Variants in KDM4C observed in about 807,000 individuals in gnomAD.
The protein encoded by KDM4C is lysine demethylase 4C.
KDM4C carries 81 observed loss-of-function variants against 129.3 expected under a neutral mutation model. That is an observed-to-expected ratio of 0.63 (90% CI 0.52 to 0.75). The LOEUF (loss-of-function observed/expected upper bound fraction) is 0.75. Among genes scored for constraint, KDM4C ranks in the 30% least tolerant of loss-of-function variants. The pLI is 0.00. For synonymous variants in KDM4C, 573 were observed against 456.1 expected, an observed-to-expected ratio of 1.26 and a Z score of -3.26; for missense variants, 1,457 against 1,304.0, an observed-to-expected ratio of 1.12 and a Z score of -1.81.
At position 6,748,941 on chromosome 9, in the gene KDM4C, A is replaced by G. The variant is rs766219751; in HGVS notation, c.49+27944A>G. On this transcript the variant is annotated intron_variant, in intron 1 of 17. Transcript: ENST00000536108. ...GAAGATGAGGTTGATGGGCTGCACC[A>G]TAACCTTCTGCACTTTCTGGCCCTG... The G allele has an allele frequency of 8.8e-6, 8 of 912,714 alleles. No homozygotes were observed. The East Asian group carries it at 1.7e-4, about 19-fold the overall frequency. 56.5% of individuals were successfully genotyped at this position (912,714 alleles called of 1,614,324 possible). A position where few individuals can be genotyped will look rare whatever the true frequency, so the allele number is the denominator to read the frequency against.
At chr9:7,172,500 A>T (rs1169008075) in intron 21 of KDM4C, among the ~76,000 whole-genome samples, 3 of 152,258 alleles carry the variant, frequency 2.0e-5, no homozygotes, top group Non-Finnish European at 2.9e-5. Context: ...CACTTACACA[A>T]GTGAAAGATT....
intron 12 of KDM4C, among the ~76,000 whole-genome samples, chr9:7,004,051 C>G (rs1586844245): frequency 6.6e-6 from 1 of 152,258 alleles, no homozygotes; most frequent in East Asian, 1.9e-4. Context: ...AGCCAAAACA[C>G]CTCACTGGAG....
chr9:7,072,877 C>T (rs1227348811), intron 17 of KDM4C, among the ~76,000 whole-genome samples: 1 of 152,124 alleles, frequency 6.6e-6, no homozygotes, highest in African/African-American at 2.4e-5. Flanking sequence ...TCTTTTGATA[C>T]ATGTATACAT....
At chr9:6,802,617 A>T (rs1336389551) in intron 2 of KDM4C, among the ~76,000 whole-genome samples, 1 of 152,022 alleles carries the variant, frequency 6.6e-6, no homozygotes, top group Non-Finnish European at 1.5e-5. Flanking sequence ...AGGCTGTTAC[A>T]TTTGCTTATT....
At chr9:6,972,141 T>C (rs1425355225) in intron 8 of KDM4C, among the ~76,000 whole-genome samples, 1 of 151,986 alleles carries the variant, frequency 6.6e-6, no homozygotes, top group Non-Finnish European at 1.5e-5. Flanking sequence ...AAGATAAATA[T>C]AGAAAGATCA....
At chr9:6,743,567 G>T (rs142028576) in intron 1 of KDM4C, among the ~76,000 whole-genome samples, 100 of 151,752 alleles carry the variant, frequency 6.6e-4, no homozygotes, top group African/African-American at 2.4e-3. Context: ...GAGTGCAGTG[G>T]TGGGATCTTG....
chr9:7,024,492 C>G (rs532269642), intron 15 of KDM4C, among the ~76,000 whole-genome samples: 2 of 151,304 alleles, frequency 1.3e-5, no homozygotes, highest in Non-Finnish European at 2.9e-5. Context: ...CGTCCCCCCA[C>G]CCCACAACAG....
chr9:7,174,918 A>G lies in KDM4C; in HGVS notation c.*189A>G, dbSNP rs149671405. 113 of 498,836 alleles carry G rather than the reference A, an allele frequency of 2.3e-4. No individual in the cohort carries two copies. Among genetic ancestry groups the G allele is most frequent in the African/African-American group, 1.9e-3 (101 of 53,106 alleles). The allele number at this position is 498,836 out of a possible 1,614,324, so 30.9% of individuals were successfully genotyped here. ...TACACCCAATGAATTGGACGCAGCA[A>G]TCTGAAATCATCTCTAGTCTTGCTT... On this transcript the variant is annotated 3_prime_UTR_variant, in exon 22 of 22. Coordinates refer to ENST00000381309, the MANE Select transcript of KDM4C (RefSeq NM_015061.6).
At chr9:6,980,722 C>T (rs1256384628) in intron 8 of KDM4C, among the ~76,000 whole-genome samples, 1 of 152,066 alleles carries the variant, frequency 6.6e-6, no homozygotes, top group Non-Finnish European at 1.5e-5. Context: ...CCATTATAAC[C>T]ACATTATAAA....
chr9:7,023,027 T>A (rs1037478510), intron 15 of KDM4C, among the ~76,000 whole-genome samples: 17 of 152,350 alleles, frequency 1.1e-4, no homozygotes, highest in South Asian at 2.1e-4. Context: ...ATCTTTTTAA[T>A]GTGTTGTTGA....
chr9:6,950,021 C>A (rs1827832767), intron 8 of KDM4C, among the ~76,000 whole-genome samples: 1 of 147,376 alleles, frequency 6.8e-6, no homozygotes, highest in African/African-American at 2.5e-5. Context: ...TTTGAAACTT[C>A]TCTGGCCACC....
intron 18 of KDM4C, among the ~76,000 whole-genome samples, chr9:7,124,644 G>T (rs968918348): frequency 6.6e-6 from 1 of 152,184 alleles, no homozygotes; most frequent in Non-Finnish European, 1.5e-5. Flanking sequence ...GTTATATACT[G>T]TCACCTAGCT....
intron 1 of KDM4C, among the ~76,000 whole-genome samples, chr9:6,752,429 C>A (rs551642870): frequency 7.5e-5 from 9 of 119,834 alleles, no homozygotes; most frequent in African/African-American, 2.6e-4. Context: ...TTTTTTTTTC[C>A]GGTGGAGTTT....
intron 19 of KDM4C, among the ~76,000 whole-genome samples, chr9:7,130,238 C>A (rs988315710): frequency 6.6e-6 from 1 of 152,198 alleles, no homozygotes; most frequent in African/African-American, 2.4e-5. Context: ...ATTTCAAAAC[C>A]TGAGCACAGT....
At chr9:6,949,175 G>A (rs1313454611) in intron 8 of KDM4C, among the ~76,000 whole-genome samples, 4 of 151,126 alleles carry the variant, frequency 2.6e-5, no homozygotes, top group Admixed American at 2.6e-4. Context: ...TAGACGGGGT[G>A]GCTGCCGGGC....
chr9:6,923,976 C>T (rs1822013682), intron 8 of KDM4C, among the ~76,000 whole-genome samples: 1 of 152,194 alleles, frequency 6.6e-6, no homozygotes, highest in African/African-American at 2.4e-5. Context: ...TTTCCCTCCT[C>T]AGATATTTAG....
chr9:6,918,483 G>C (rs1281394376), intron 8 of KDM4C, among the ~76,000 whole-genome samples: 1 of 152,144 alleles, frequency 6.6e-6, no homozygotes, highest in Non-Finnish European at 1.5e-5. Context: ...GATGAATATA[G>C]AGTGCATGTG....
chr9:6,825,141 G>A (rs934351203), intron 4 of KDM4C, among the ~76,000 whole-genome samples: 1 of 127,940 alleles, frequency 7.8e-6, no homozygotes, highest in Non-Finnish European at 1.6e-5. Flanking sequence ...AGTGAAACTC[G>A]GTCTCAAAAA....
intron 6 of KDM4C, among the ~76,000 whole-genome samples, chr9:6,886,822 G>C (rs1312347639): frequency 6.6e-6 from 1 of 152,020 alleles, no homozygotes; most frequent in Non-Finnish European, 1.5e-5. Flanking sequence ...GGGTTTTGCT[G>C]TGTTAGGCTT....
Sources: gnomAD v4.1 joint callset for allele counts (sites outside exome capture counted in the v4.1 genomes callset) on GRCh38, gnomAD v4.1.1 for gene constraint, MANE v1.5 for transcripts, NCBI Gene and HGNC (gene_info 2026-07-23, HGNC 2026-07-21) for gene names.